The following POU6F2 variants were observed in gnomAD, a reference collection of about 807,000 sequenced individuals.
POU6F2 encodes POU domain, class 6, transcription factor 2.
Under a neutral mutation model 71.3 loss-of-function variants are expected in POU6F2, and 31 were observed. The observed-to-expected ratio is 0.43, with a 90% confidence interval of 0.33 to 0.59. POU6F2 has a LOEUF of 0.59. Ranked by LOEUF, POU6F2 falls within the 20% of genes least tolerant of loss-of-function variation. The pLI is 0.04. For missense variants in POU6F2, 783 were observed against 856.8 expected (o/e 0.91, Z 1.07); for synonymous variants, 347 against 355.7 (o/e 0.98, Z 0.27).
chr7:39,389,744 T>C (rs1258236387), intron 5 of POU6F2, among the ~76,000 whole-genome samples: 1 of 152,218 alleles, frequency 6.6e-6, no homozygotes, highest in Non-Finnish European at 1.5e-5. Flanking sequence ...TGGCCATTTT[T>C]CCCCTGTGTT....
chr7:39,444,322 G>A (rs1401070754), intron 7 of POU6F2, among the ~76,000 whole-genome samples: 2 of 152,170 alleles, frequency 1.3e-5, no homozygotes, highest in Admixed American at 6.5e-5. Context: ...AGTGGCTCGC[G>A]CCTATAATCC....
intron 2 of POU6F2, among the ~76,000 whole-genome samples, chr7:39,172,679 G>C (rs2103194): frequency 0.13 from 19,571 of 150,818 alleles, 1,296 homozygotes; most frequent in Middle Eastern, 0.15. Flanking sequence ...GAAGTGCAGT[G>C]GTGTGACCTT....
chr7:39,412,548 A>G (rs967140710), intron 6 of POU6F2, among the ~76,000 whole-genome samples: 8 of 152,176 alleles, frequency 5.3e-5, no homozygotes, highest in Non-Finnish European at 2.9e-5. Flanking sequence ...GAAAAGAAAT[A>G]TGTGTAATTC....
chr7:39,294,934 CTGCATTGAAAT>C (rs1387914527), intron 4 of POU6F2, among the ~76,000 whole-genome samples: 2 of 152,120 alleles, frequency 1.3e-5, no homozygotes, highest in Admixed American at 1.3e-4. Context: ...GAAAGACACT[CTGCATTGAAAT>C]CAGGGGCGGG....
intron 7 of POU6F2, among the ~76,000 whole-genome samples, chr7:39,443,977 T>C (rs995280280): frequency 1.1e-4 from 17 of 152,204 alleles, no homozygotes; most frequent in African/African-American, 3.9e-4. Flanking sequence ...TCCACTTTCA[T>C]GAAGTAAAGT....
chr7:39,014,879 T>C (rs957182105), intron 1 of POU6F2, among the ~76,000 whole-genome samples: 1 of 152,160 alleles, frequency 6.6e-6, no homozygotes, highest in African/African-American at 2.4e-5. Flanking sequence ...TAGTTTCCTT[T>C]TGGCAAAAGT....
intron 4 of POU6F2, among the ~76,000 whole-genome samples, chr7:39,274,772 G>A (rs1159191528): frequency 7.7e-6 from 1 of 129,952 alleles, no homozygotes; most frequent in Non-Finnish European, 1.6e-5. Flanking sequence ...ATGTAATCCA[G>A]CATATAAACA....
Position 38,988,302 on chromosome 7 carries a change from C to T in POU6F2, c.105+10244C>T, listed in dbSNP as rs1383158771. The stretch of plus-strand genomic sequence containing the variant: ...TGTGAAGGACTCATTCTCAGAAATT[C>T]TGGTTCTATTTATCTGGGTGGAGCT... On this transcript the variant is annotated intron_variant, in intron 1 of 9. Transcript: ENST00000518318. Among the ~76,000 whole-genome samples, 3 of 152,072 alleles carry T rather than the reference C, an allele frequency of 2.0e-5. No homozygotes were observed. The East Asian group carries it at 5.8e-4, about 29-fold the overall frequency.
At chr7:39,366,261 G>A (rs1786499295) in intron 5 of POU6F2, among the ~76,000 whole-genome samples, 1 of 152,102 alleles carries the variant, frequency 6.6e-6, no homozygotes, top group Non-Finnish European at 1.5e-5. Context: ...CATGACCTTG[G>A]GAGATACGGC....
intron 4 of POU6F2, among the ~76,000 whole-genome samples, chr7:39,250,050 G>A (rs1783887132): frequency 6.6e-6 from 1 of 152,198 alleles, no homozygotes; most frequent in African/African-American, 2.4e-5. Context: ...TGGATCGAGA[G>A]AGGGCCGCAT....
At chr7:39,328,372 C>T (rs773654900) in intron 4 of POU6F2, among the ~76,000 whole-genome samples, 4 of 152,164 alleles carry the variant, frequency 2.6e-5, no homozygotes, top group Non-Finnish European at 4.4e-5. Context: ...AACTAGCATC[C>T]TGTGGAATAG....
chr7:39,327,925 G>C (rs898711955), intron 4 of POU6F2, among the ~76,000 whole-genome samples: 22 of 151,772 alleles, frequency 1.4e-4, no homozygotes, highest in African/African-American at 4.8e-4. Flanking sequence ...ATGCTAATTG[G>C]GTTTCTTTTT....
At chr7:39,357,754 T>C (rs1164879463) in intron 5 of POU6F2, among the ~76,000 whole-genome samples, 1 of 152,198 alleles carries the variant, frequency 6.6e-6, no homozygotes, top group Non-Finnish European at 1.5e-5. Context: ...TGTATCATGT[T>C]CTCTCTAGAG....
intron 4 of POU6F2, among the ~76,000 whole-genome samples, chr7:39,319,734 G>A (rs1189357362): frequency 6.6e-6 from 1 of 152,176 alleles, no homozygotes; most frequent in Admixed American, 6.5e-5. Flanking sequence ...ACACAGGTCT[G>A]ATGTGACTCC....
At chr7:39,275,092 G>A (rs1400938798) in intron 4 of POU6F2, among the ~76,000 whole-genome samples, 8 of 151,918 alleles carry the variant, frequency 5.3e-5, no homozygotes, top group Admixed American at 3.3e-4. Flanking sequence ...ATTCAATTAG[G>A]AAAACAGGAA....
chr7:39,226,889 T>C (rs945405842), intron 4 of POU6F2, among the ~76,000 whole-genome samples: 1 of 152,210 alleles, frequency 6.6e-6, no homozygotes, highest in African/African-American at 2.4e-5. Flanking sequence ...CGGGAATGAG[T>C]TGCGGGCTTA....
chr7:38,994,136 G>A (rs1788677987), intron 1 of POU6F2, among the ~76,000 whole-genome samples: 1 of 152,100 alleles, frequency 6.6e-6, no homozygotes, highest in South Asian at 2.1e-4. Context: ...AAAAACATGG[G>A]AACTCCAAGC....
intron 2 of POU6F2, among the ~76,000 whole-genome samples, chr7:39,124,333 C>T (rs535012987): frequency 6.6e-6 from 1 of 152,310 alleles, no homozygotes; most frequent in South Asian, 2.1e-4. Flanking sequence ...GCATAAGCCA[C>T]CGCACCCAGC....
At chr7:39,154,602 T>G (rs769642465) in intron 2 of POU6F2, among the ~76,000 whole-genome samples, 1 of 152,180 alleles carries the variant, frequency 6.6e-6, no homozygotes, top group East Asian at 1.9e-4. Flanking sequence ...TTAATTGGAT[T>G]AGAAATTGCA....
Sources: allele counts gnomAD v4.1 joint callset (sites outside exome capture counted in the v4.1 genomes callset), GRCh38; gene constraint gnomAD v4.1.1; transcripts MANE v1.5; gene names NCBI Gene and HGNC (gene_info 2026-07-23, HGNC 2026-07-21).